PTPRD: variants seen among roughly 807,000 people sequenced by gnomAD.
PTPRD encodes the protein protein tyrosine phosphatase receptor type D, also known as receptor-type tyrosine-protein phosphatase delta.
Under a neutral mutation model 214.5 loss-of-function variants are expected in PTPRD, and 34 were observed. The ratio of observed to expected loss-of-function variants is 0.16; its 90% confidence interval spans 0.12 to 0.21. The LOEUF (loss-of-function observed/expected upper bound fraction) is 0.21, where lower values mean the gene tolerates loss of function less well. Ranked by LOEUF, PTPRD falls within the 10% of genes least tolerant of loss-of-function variation. The pLI is 1.00. For synonymous variants in PTPRD, 1,128 were observed against 845.7 expected, an observed-to-expected ratio of 1.33 and a Z score of -5.79; for missense variants, 2,545 against 2,398.7, an observed-to-expected ratio of 1.06 and a Z score of -1.27.
chr9:10,269,043 G>T (rs1213795925), intron 3 of PTPRD, among the ~76,000 whole-genome samples: 2 of 152,192 alleles, frequency 1.3e-5, no homozygotes, highest in Middle Eastern at 3.4e-3. Context: ...AAAATCTCTA[G>T]CTGAGAACCA....
chr9:8,792,981 G>T (rs1566102211), intron 11 of PTPRD, among the ~76,000 whole-genome samples: 1 of 152,140 alleles, frequency 6.6e-6, no homozygotes, highest in African/African-American at 2.4e-5. Flanking sequence ...TAGGAAAAGT[G>T]GTACAATGCC....
At chr9:8,793,500 A>C (rs746905094) in intron 11 of PTPRD, among the ~76,000 whole-genome samples, 1 of 152,216 alleles carries the variant, frequency 6.6e-6, no homozygotes, top group Non-Finnish European at 1.5e-5. Flanking sequence ...TGACCCTCAG[A>C]AAATATGAGA....
intron 9 of PTPRD, among the ~76,000 whole-genome samples, chr9:9,313,579 G>A (rs982580564): frequency 1.3e-5 from 2 of 152,116 alleles, no homozygotes; most frequent in Non-Finnish European, 2.9e-5. Context: ...TCCAAATCTA[G>A]CTGCTCAATG....
chr9:8,439,982 G>A (rs2095493581), intron 34 of PTPRD, among the ~76,000 whole-genome samples: 1 of 101,468 alleles, frequency 9.9e-6, no homozygotes, highest in African/African-American at 3.6e-5. Flanking sequence ...CTGTACACCA[G>A]ACCAATTAAT....
At chr9:8,690,491 T>C (rs1185188481) in intron 12 of PTPRD, among the ~76,000 whole-genome samples, 2 of 148,808 alleles carry the variant, frequency 1.3e-5, no homozygotes, top group African/African-American at 5.0e-5. Flanking sequence ...ATTGCACCAC[T>C]GCACTCCAGT....
chr9:9,619,660 T>A (rs150539721), intron 7 of PTPRD, among the ~76,000 whole-genome samples: 12,247 of 145,252 alleles, frequency 0.084, 565 homozygotes, highest in Middle Eastern at 0.14. Flanking sequence ...ATAGAAATAT[T>A]TTAATATTTC....
chr9:8,951,138 A>AGTGTGTGTGTGT (rs56212369), intron 11 of PTPRD, among the ~76,000 whole-genome samples: 15,365 of 146,870 alleles, frequency 0.1, 925 homozygotes, highest in East Asian at 0.19. Context: ...TAGGAAAAAG[A>AGTGTGTGTGTGT]GTGTGTGTGT....
At position 10,421,903 on chromosome 9, in the gene PTPRD, T is replaced by C. The variant is rs532492758; in HGVS notation, c.-599-80886A>G. 5.9e-5 allele frequency among the ~76,000 whole-genome samples: 9 copies of C among 152,030 alleles called. No homozygotes were observed. In the South Asian group the frequency reaches 1.9e-3, roughly 31 times the overall value. ...TTTATTATTCATCCAGAAAACTCTG[T>C]GGGAACCCAGAAAAGTAGATCCAGA... is the stretch of plus-strand genomic sequence containing the variant. On this transcript the variant is annotated intron_variant, in intron 2 of 45. Coordinates refer to ENST00000381196, the MANE Select transcript of PTPRD (RefSeq NM_002839.4).
chr9:9,717,161 A>C (rs1219072580), intron 7 of PTPRD, among the ~76,000 whole-genome samples: 3 of 152,048 alleles, frequency 2.0e-5, no homozygotes, highest in Non-Finnish European at 4.4e-5. Context: ...AGATAGTTGT[A>C]GATATGCGGC....
chr9:9,168,592 G>A lies in PTPRD; in HGVS notation c.-143+14712C>T, dbSNP rs557756804. ...TAAAGAAATCAAACAAGTAAGCAGCGAAACTTATAGTTTAAAAAACGATTT... is the reference window on the plus strand; with the variant it reads ...TAAAGAAATCAAACAAGTAAGCAGCAAAACTTATAGTTTAAAAAACGATTT... On this transcript the variant is annotated intron_variant, in intron 10 of 45. Transcript: ENST00000381196. 9.2e-5 allele frequency among the ~76,000 whole-genome samples: 14 copies of A among 151,996 alleles called. No individual in the cohort carries two copies. In the East Asian group the frequency reaches 2.3e-3, roughly 25 times the overall value.
chr9:8,752,427 A>G (rs1474418868), intron 11 of PTPRD, among the ~76,000 whole-genome samples: 1 of 152,212 alleles, frequency 6.6e-6, no homozygotes, highest in Non-Finnish European at 1.5e-5. Context: ...CTCCTTGTTT[A>G]GCATATCATC....
rs954109060 is a variant in PTPRD at position 9,014,812 on chromosome 9, AC to A, written c.-104+3884del. Reference sequence around the variant, plus strand: ...AAAGGGGTAGATTATACATTGACACACTTAAGACTCAATCATTTCAACCTTT... The same window carrying A: ...AAAGGGGTAGATTATACATTGACACATTAAGACTCAATCATTTCAACCTTT... On this transcript the variant is annotated intron_variant, in intron 11 of 45. Coordinates refer to ENST00000381196, the MANE Select transcript of PTPRD (RefSeq NM_002839.4). Among the ~76,000 whole-genome samples, 52 of 152,196 alleles carry A rather than the reference AC, an allele frequency of 3.4e-4. 1 individual carries two copies. Among genetic ancestry groups the A allele is most frequent in the Non-Finnish European group, 5.9e-5 (4 of 68,022 alleles).
chr9:8,548,410 C>G (rs935204403), intron 14 of PTPRD, among the ~76,000 whole-genome samples: 2 of 152,076 alleles, frequency 1.3e-5, no homozygotes, highest in African/African-American at 4.8e-5. Flanking sequence ...CTCTGTCACC[C>G]AGGCTGTACT....
intron 14 of PTPRD, among the ~76,000 whole-genome samples, chr9:8,630,588 T>C (rs2096222269): frequency 6.6e-6 from 1 of 151,864 alleles, no homozygotes; most frequent in Non-Finnish European, 1.5e-5. Flanking sequence ...TCATGAAAGT[T>C]CTAAAACTGC....
chr9:9,528,938 CTTTT>C (rs112564567), intron 8 of PTPRD, among the ~76,000 whole-genome samples: 6 of 136,702 alleles, frequency 4.4e-5, no homozygotes, highest in African/African-American at 1.7e-4. Context: ...TTGTTTGTTT[CTTTT>C]TTTTTTTTTT....
rs1438833860 is a variant in PTPRD, at chr9:8,801,063, C to CA, written c.-103-67118dup. Reference sequence around the variant, plus strand: ...TTGTTTTTGCAAGGATTAAGATGTGCAAAAAATAATATGTAGCTTTCAAAC... The same window carrying CA: ...TTGTTTTTGCAAGGATTAAGATGTGCAAAAAAATAATATGTAGCTTTCAAAC... On this transcript the variant is annotated intron_variant, in intron 11 of 45. Coordinates refer to ENST00000381196, the MANE Select transcript of PTPRD (RefSeq NM_002839.4). 7.9e-5 allele frequency among the ~76,000 whole-genome samples: 12 copies of CA among 152,212 alleles called. 1 individual carries two copies. Among genetic ancestry groups the CA allele is most frequent in the Admixed American group, 7.9e-4 (12 of 15,286 alleles).
chr9:9,350,204 T>G (rs1435489261), intron 9 of PTPRD, among the ~76,000 whole-genome samples: 1 of 152,064 alleles, frequency 6.6e-6, no homozygotes. Context: ...AACAAGCAGT[T>G]AATTTTTGTC....
At chr9:10,396,698 A>G (rs112458299) in intron 2 of PTPRD, among the ~76,000 whole-genome samples, 93 of 152,120 alleles carry the variant, frequency 6.1e-4, no homozygotes, top group African/African-American at 2.2e-3. Flanking sequence ...TGCAGATTTC[A>G]TTTATGTCTG....
chr9:10,031,677 C>CAT, intron 4 of PTPRD, among the ~76,000 whole-genome samples: 1 of 140,896 alleles, frequency 7.1e-6, no homozygotes, highest in East Asian at 2.1e-4. Flanking sequence ...TACACACACA[C>CAT]ACACATATCC....
Sources: allele counts gnomAD v4.1 joint callset (sites outside exome capture counted in the v4.1 genomes callset), GRCh38; gene constraint gnomAD v4.1.1; transcripts MANE v1.5; gene names NCBI Gene and HGNC (gene_info 2026-07-23, HGNC 2026-07-21).